Variants in CHD1 observed in about 807,000 individuals in gnomAD.
CHD1 encodes the protein chromodomain helicase DNA binding protein 1.
Under a neutral mutation model 224.2 loss-of-function variants are expected in CHD1, and 36 were observed. The ratio of observed to expected loss-of-function variants is 0.16; its 90% CI spans 0.12 to 0.21. CHD1 has a LOEUF of 0.21. CHD1 is among the 10% of genes least tolerant of loss of function. The pLI, the probability that CHD1 is intolerant of heterozygous loss-of-function variation, is 1.00. For missense variants in CHD1, 1,378 were observed against 1,994.8 expected, an observed-to-expected ratio of 0.69 and a Z score of 5.89; for synonymous variants, 668 against 658.3, an observed-to-expected ratio of 1.01 and a Z score of -0.23.
chr5:98,877,708 A>T (rs1749866501), intron 23 of CHD1, among the ~76,000 whole-genome samples: 1 of 152,160 alleles, frequency 6.6e-6, no homozygotes. Flanking sequence ...CTTTCACAAG[A>T]TCTAATGCAA....
At chr5:98,924,143 G>C (rs188085742) in intron 2 of CHD1, among the ~76,000 whole-genome samples, 136 of 152,254 alleles carry the variant, frequency 8.9e-4, no homozygotes, top group African/African-American at 3.1e-3. Flanking sequence ...CTTTCAGGAT[G>C]CTGAGGTGGG....
At chr5:98,864,004 T>C (rs941622004) in intron 31 of CHD1, among the ~76,000 whole-genome samples, 4 of 152,166 alleles carry the variant, frequency 2.6e-5, no homozygotes, top group African/African-American at 9.7e-5. Context: ...AAAATCAATA[T>C]AGCTAGATAT....
Position 98,921,180 on chromosome 5 carries a change from C to T in CHD1, c.53+5154G>A, listed in dbSNP as rs554841245. 3.3e-5 allele frequency among the ~76,000 whole-genome samples: 5 copies of T among 152,204 alleles called. No individual in the cohort carries two copies. The South Asian group carries it at 1.0e-3, about 32-fold the overall frequency. ...TGACAATTCAAGTAATGCACAATGC[C>T]CTATGTGCATCATGCTAGGTTAAGG... On this transcript the variant is annotated intron_variant, in intron 2 of 35. Coordinates refer to ENST00000614616, the MANE Select transcript of CHD1 (RefSeq NM_001270.4).
chr5:98,884,793 C>A (rs573248283), intron 18 of CHD1, among the ~76,000 whole-genome samples: 1 of 151,658 alleles, frequency 6.6e-6, no homozygotes, highest in Non-Finnish European at 1.5e-5. Flanking sequence ...CATGGCTCAC[C>A]GCAGCCTCAA....
At chr5:98,880,098 T>C (rs1048697833) in intron 22 of CHD1, among the ~76,000 whole-genome samples, 3 of 152,240 alleles carry the variant, frequency 2.0e-5, no homozygotes, top group Non-Finnish European at 4.4e-5. Flanking sequence ...TCTAATATCA[T>C]TTTTATGGTC....
chr5:98,925,861 T>G (rs1753421332), intron 2 of CHD1, among the ~76,000 whole-genome samples: 1 of 151,022 alleles, frequency 6.6e-6, no homozygotes, highest in Admixed American at 6.6e-5. Flanking sequence ...ATATCTAGTA[T>G]GACTAAGTAA....
intron 7 of CHD1, among the ~76,000 whole-genome samples, chr5:98,900,587 G>A (rs945385192): frequency 1.3e-5 from 2 of 151,596 alleles, no homozygotes; most frequent in Non-Finnish European, 2.9e-5. Flanking sequence ...CTACAGGTGC[G>A]CACCACCTCA....
rs1561466719 is a variant in CHD1 at position 98,854,175 on chromosome 5, T to TA, written c.*2204_*2205insT. 3 of 151,572 alleles carry TA rather than the reference T, an allele frequency of 2.0e-5. No homozygotes were observed. The highest frequency in any genetic ancestry group is 1.3e-4 in the Admixed American group (2 of 15,260). 9.4% of individuals were successfully genotyped at this position (151,572 alleles called of 1,614,324 possible). ...TTCTTCACCATTGCGTCTTAATTTT[T>TA]CTGATTTCTTACAAAAATGAACATA... On this transcript the variant is annotated 3_prime_UTR_variant, in exon 36 of 36. Coordinates refer to ENST00000614616, the MANE Select transcript of CHD1 (RefSeq NM_001270.4).
chr5:98,905,627 G>A (rs887662093), intron 2 of CHD1, among the ~76,000 whole-genome samples: 36 of 152,114 alleles, frequency 2.4e-4, no homozygotes, highest in African/African-American at 8.2e-4. Flanking sequence ...TATTATAACC[G>A]AGCTATGATA....
chr5:98,894,528 G>T, intron 13 of CHD1, 69 bp downstream of exon 13: 1 of 527,996 alleles, frequency 1.9e-6, no homozygotes, highest in Non-Finnish European at 3.4e-6. Flanking sequence ...CTCTCATCTT[G>T]TCCACAGCAT....
chr5:98,883,597 C>G (rs575480335), intron 18 of CHD1, among the ~76,000 whole-genome samples: 150 of 151,862 alleles, frequency 9.9e-4, no homozygotes, highest in African/African-American at 3.0e-3. Context: ...TCCCAGGAAT[C>G]CCACTACTGA....
intron 28 of CHD1, among the ~76,000 whole-genome samples, chr5:98,871,691 T>C (rs1749362107): frequency 6.6e-6 from 1 of 152,152 alleles, no homozygotes; most frequent in Admixed American, 6.5e-5. Flanking sequence ...TTACCCTGAT[T>C]GCATCTTTAT....
intron 30 of CHD1, 136 bp downstream of exon 30, chr5:98,869,618 G>GCGCGCACACACA: frequency 1.3e-6 from 1 of 795,908 alleles, no homozygotes; most frequent in Non-Finnish European, 1.9e-6. Context: ...GCGCACGTGC[G>GCGCGCACACACA]CGCGCACACA....
rs537075660 is a variant in CHD1, at chr5:98,890,052, G to C, written c.2181-814C>G. Among the ~76,000 whole-genome samples, 3 of 152,242 alleles carry C rather than the reference G, an allele frequency of 2.0e-5. No individual in the cohort carries two copies. In the South Asian group the frequency reaches 6.2e-4, roughly 32 times the overall value. On this transcript the variant is annotated intron_variant, in intron 15 of 35. Transcript: ENST00000614616. ...TGTAACAACACTGTCGACTACTAGA[G>C]GGGGGAAGGAGGGGAACATGGGTTG...
rs1418945698 is a variant in CHD1 at position 98,900,920 on chromosome 5, T to C, written c.750A>G (p.Thr250=). 1 of 1,614,190 alleles carries C rather than the reference T, an allele frequency of 6.2e-7. No homozygotes were observed. Among genetic ancestry groups the C allele is most frequent in the Admixed American group, 1.7e-5 (1 of 60,034 alleles). The change falls in exon 7 of 36, where the codon ACA becomes ACG. Residue 250 remains threonine (T), a synonymous_variant. Coordinates refer to ENST00000614616, the MANE Select transcript of CHD1 (RefSeq NM_001270.4). ...VSYKEDEEMK[T]DSDDLLEVCG... is the part of the protein sequence containing the mutation. The stretch of plus-strand genomic sequence containing the variant: ...AGACTTCCAGTAGGTCATCAGAATC[T>C]GTTTTCATTTCTTCATCCTCCTTAT...
chr5:98,900,541 G>A (rs750319262), intron 7 of CHD1, among the ~76,000 whole-genome samples: 70 of 150,742 alleles, frequency 4.6e-4, no homozygotes, highest in Non-Finnish European at 8.8e-4. Flanking sequence ...GTGGGTTCAA[G>A]CAATTCCCTT....
chr5:98,896,490 C>A (rs1343577392), intron 11 of CHD1, 48 bp from the exon 12 acceptor site: 1 of 1,315,502 alleles, frequency 7.6e-7, no homozygotes, highest in Non-Finnish European at 1.1e-6. Context: ...TTCAAATATA[C>A]AAAGAAACCT....
intron 2 of CHD1, among the ~76,000 whole-genome samples, chr5:98,922,276 C>A (rs1485642927): frequency 6.6e-6 from 1 of 152,220 alleles, no homozygotes; most frequent in African/African-American, 2.4e-5. Flanking sequence ...CCAGCATTAT[C>A]TTTAAAAAGC....
chr5:98,888,829 C>T (rs1750821197), intron 16 of CHD1, among the ~76,000 whole-genome samples: 1 of 152,152 alleles, frequency 6.6e-6, no homozygotes, highest in African/African-American at 2.4e-5. Context: ...GATTTTCTTG[C>T]TGGATAAGTT....
Sources: allele counts gnomAD v4.1 joint callset (sites outside exome capture counted in the v4.1 genomes callset), GRCh38; gene constraint gnomAD v4.1.1; transcripts MANE v1.5; gene names NCBI Gene and HGNC (gene_info 2026-07-23, HGNC 2026-07-21).